ERBB4: variants seen among roughly 807,000 people sequenced by gnomAD.
ERBB4 encodes receptor tyrosine-protein kinase erbB-4.
A neutral mutation model predicts 158.0 loss-of-function variants in ERBB4; 42 were observed. The ratio of observed to expected loss-of-function variants is 0.27; its 90% CI spans 0.21 to 0.34. The LOEUF (loss-of-function observed/expected upper bound fraction) is 0.34. Among genes scored for constraint, ERBB4 ranks in the 10% least tolerant of loss-of-function variants. The probability of loss-of-function intolerance (pLI) is 1.00; values close to 1 mark genes in which losing one functional copy is unlikely to be tolerated. For missense variants in ERBB4, 1,333 were observed against 1,624.1 expected (o/e 0.82, Z 3.08); for synonymous variants, 583 against 558.7 (o/e 1.04, Z -0.61).
At chr2:211,813,710 A>G (rs959513747) in intron 3 of ERBB4, among the ~76,000 whole-genome samples, 3 of 152,200 alleles carry the variant, frequency 2.0e-5, no homozygotes, top group African/African-American at 7.2e-5. Context: ...TTACTTCAAG[A>G]AAGACAGGAC....
At chr2:212,367,935 G>T (rs758953472) in intron 1 of ERBB4, among the ~76,000 whole-genome samples, 1 of 152,044 alleles carries the variant, frequency 6.6e-6, no homozygotes, top group Non-Finnish European at 1.5e-5. Flanking sequence ...AAAAACAGTA[G>T]ATGTTGGTGT....
chr2:212,287,489 G>C (rs551439888), intron 1 of ERBB4, among the ~76,000 whole-genome samples: 8 of 152,124 alleles, frequency 5.3e-5, no homozygotes, highest in Non-Finnish European at 1.0e-4. Context: ...GTTTTAAAAT[G>C]AATCTGCTCC....
At chr2:212,241,252 G>A (rs2084092837) in intron 1 of ERBB4, among the ~76,000 whole-genome samples, 1 of 151,050 alleles carries the variant, frequency 6.6e-6, no homozygotes, top group South Asian at 2.1e-4. Context: ...GTGAGGCCCT[G>A]TCTCAAAAAT....
intron 2 of ERBB4, among the ~76,000 whole-genome samples, chr2:211,969,199 C>T (rs978129510): frequency 8.6e-5 from 13 of 151,754 alleles, no homozygotes; most frequent in Admixed American, 3.3e-4. Context: ...AAAGTTAAGA[C>T]AACTGCAAAT....
At chr2:212,358,282 A>G (rs1354266354) in intron 1 of ERBB4, among the ~76,000 whole-genome samples, 1 of 151,748 alleles carries the variant, frequency 6.6e-6, no homozygotes, top group African/African-American at 2.4e-5. Context: ...TTTTAAGATC[A>G]TGTCTTTTCC....
At chr2:211,699,431 G>T (rs2073151225) in intron 12 of ERBB4, among the ~76,000 whole-genome samples, 1 of 152,116 alleles carries the variant, frequency 6.6e-6, no homozygotes, top group Non-Finnish European at 1.5e-5. Context: ...GAGTACTGGG[G>T]ATTGTAAACA....
At chr2:211,820,994 A>G (rs2076983476) in intron 3 of ERBB4, among the ~76,000 whole-genome samples, 1 of 151,886 alleles carries the variant, frequency 6.6e-6, no homozygotes, top group African/African-American at 2.4e-5. Flanking sequence ...AAATAAAACA[A>G]GGATGCCCAA....
intron 1 of ERBB4, among the ~76,000 whole-genome samples, chr2:212,333,543 T>G (rs2088284104): frequency 7.1e-6 from 1 of 140,504 alleles, no homozygotes; most frequent in South Asian, 2.2e-4. Flanking sequence ...AAAAAAAAAA[T>G]TAACCAGACA....
intron 2 of ERBB4, among the ~76,000 whole-genome samples, chr2:212,047,387 T>C (rs1175443082): frequency 1.3e-5 from 2 of 152,166 alleles, no homozygotes; most frequent in African/African-American, 4.8e-5. Flanking sequence ...TAACACTATT[T>C]TGCAAGAATG....
intron 19 of ERBB4, among the ~76,000 whole-genome samples, chr2:211,615,984 T>A (rs1383741439): frequency 1.3e-5 from 2 of 152,122 alleles, no homozygotes; most frequent in African/African-American, 4.8e-5. Context: ...AATATGCACA[T>A]ACGCTAGTTT....
intron 18 of ERBB4, among the ~76,000 whole-genome samples, chr2:211,621,376 C>T (rs1047907986): frequency 6.6e-5 from 10 of 152,036 alleles, no homozygotes; most frequent in Non-Finnish European, 8.8e-5. Flanking sequence ...CCAATTTGCA[C>T]TTCTATGGTC....
chr2:212,320,550 T>G (rs76917511), intron 1 of ERBB4, among the ~76,000 whole-genome samples: 2,240 of 149,146 alleles, frequency 0.015, 77 homozygotes, highest in African/African-American at 0.052. Flanking sequence ...GGCTATTATA[T>G]TCTGAGTTCT....
chr2:212,002,041 G>A (rs11892150), intron 2 of ERBB4, among the ~76,000 whole-genome samples: 68,157 of 151,946 alleles, frequency 0.45, 16,865 homozygotes, highest in Non-Finnish European at 0.56. Context: ...GAATGTTACT[G>A]AACAGATGCT....
chr2:212,061,658 TA>T lies in ERBB4; in HGVS notation c.234+63093del, dbSNP rs543139524. ...TATGGGTGGGAACTGTTATGTGGAT[TA>T]TGTGCACCTGCAAAATGGGTCCCAA... is the stretch of plus-strand genomic sequence containing the variant. On this transcript the variant is annotated intron_variant, in intron 2 of 27. Coordinates refer to ENST00000342788, the MANE Select transcript of ERBB4 (RefSeq NM_005235.3). Among the ~76,000 whole-genome samples, 22 of 151,922 alleles carry T rather than the reference TA, an allele frequency of 1.4e-4. No homozygotes were observed. The South Asian group carries it at 4.6e-3, about 32-fold the overall frequency.
In ERBB4 at chr2:211,759,370, A is replaced by C. The variant is rs150074243; in HGVS notation, c.557-8666T>G. Among the ~76,000 whole-genome samples the C allele has an allele frequency of 3.6e-3, 543 of 152,266 alleles. 5 individuals are homozygous for C. The highest frequency in any genetic ancestry group is 0.014 in the Middle Eastern group (4 of 294). ...ATTAGCCAGAGCGATCTTTTTAGTC[A>C]GACCATGTCAAATCTCCTAAGTTGC... is the stretch of plus-strand genomic sequence containing the variant. On this transcript the variant is annotated intron_variant, in intron 4 of 27. Coordinates refer to ENST00000342788, the MANE Select transcript of ERBB4 (RefSeq NM_005235.3).
intron 1 of ERBB4, among the ~76,000 whole-genome samples, chr2:212,295,618 T>A (rs1574622521): frequency 6.6e-6 from 1 of 152,174 alleles, no homozygotes; most frequent in Non-Finnish European, 1.5e-5. Context: ...TGAGCTCAAA[T>A]TCCTGTTCCG....
At chr2:212,083,331 T>G (rs564426468) in intron 2 of ERBB4, among the ~76,000 whole-genome samples, 8 of 151,958 alleles carry the variant, frequency 5.3e-5, no homozygotes, top group African/African-American at 1.9e-4. Context: ...GGGAAAACCA[T>G]TTAAAGAGCT....
intron 1 of ERBB4, among the ~76,000 whole-genome samples, chr2:212,143,292 G>C (rs191412291): frequency 7.9e-5 from 12 of 152,140 alleles, no homozygotes; most frequent in Non-Finnish European, 8.8e-5. Context: ...CCAATTTACT[G>C]TCAGTGTATT....
At chr2:211,962,489 T>C (rs529646100) in intron 2 of ERBB4, among the ~76,000 whole-genome samples, 7 of 152,202 alleles carry the variant, frequency 4.6e-5, no homozygotes, top group South Asian at 2.1e-4. Flanking sequence ...AGGGACTTGA[T>C]TGGAAAAAGT....
Sources: gnomAD v4.1 joint callset for allele counts (sites outside exome capture counted in the v4.1 genomes callset) on GRCh38, gnomAD v4.1.1 for gene constraint, MANE v1.5 for transcripts, NCBI Gene and HGNC (gene_info 2026-07-23, HGNC 2026-07-21) for gene names.